The following STXBP5L variants were observed in gnomAD, a reference collection of about 807,000 sequenced individuals.
STXBP5L encodes the protein syntaxin binding protein 5L.
In STXBP5L, 65 loss-of-function variants were observed where a neutral mutation model predicts 144.5. The ratio of observed to expected loss-of-function variants is 0.45; its 90% CI spans 0.37 to 0.55. STXBP5L has a LOEUF of 0.55. STXBP5L is among the 20% of genes least tolerant of loss of function. The pLI, the probability that STXBP5L is intolerant of heterozygous loss-of-function variation, is 0.00. For synonymous variants in STXBP5L, 505 were observed against 469.6 expected, an observed-to-expected ratio of 1.08 and a Z score of -0.97; for missense variants, 1,298 against 1,405.5, an observed-to-expected ratio of 0.92 and a Z score of 1.22.
At chr3:121,191,880 G>T (rs2047701018) in intron 9 of STXBP5L, among the ~76,000 whole-genome samples, 1 of 151,600 alleles carries the variant, frequency 6.6e-6, no homozygotes, top group Admixed American at 6.6e-5. Flanking sequence ...CTCACTCATA[G>T]GTGGGAATTG....
chr3:121,339,569 C>G (rs2044632003), intron 20 of STXBP5L, among the ~76,000 whole-genome samples: 1 of 152,028 alleles, frequency 6.6e-6, no homozygotes, highest in African/African-American at 2.4e-5. Context: ...CCAGGCCAAT[C>G]AGTCAAGAGA....
At chr3:121,157,005 CAG>C (rs767046117) in intron 8 of STXBP5L, among the ~76,000 whole-genome samples, 54 of 151,986 alleles carry the variant, frequency 3.6e-4, no homozygotes, top group Non-Finnish European at 7.2e-4. Context: ...CTCAAAACTA[CAG>C]AGTTAACCTG....
At chr3:121,250,964 G>A (rs934634465) in intron 15 of STXBP5L, among the ~76,000 whole-genome samples, 3 of 152,082 alleles carry the variant, frequency 2.0e-5, no homozygotes, top group Non-Finnish European at 2.9e-5. Context: ...ATAATATAAG[G>A]TAAACAAGAC....
intron 9 of STXBP5L, among the ~76,000 whole-genome samples, chr3:121,193,718 C>T (rs1289857539): frequency 6.6e-6 from 1 of 152,018 alleles, no homozygotes; most frequent in African/African-American, 2.4e-5. Context: ...CAAACTATCA[C>T]AAGGACAGAA....
intron 5 of STXBP5L, among the ~76,000 whole-genome samples, chr3:121,053,400 A>T (rs928196657): frequency 2.6e-5 from 4 of 152,338 alleles, no homozygotes; most frequent in African/African-American, 9.6e-5. Flanking sequence ...AGAGATATAG[A>T]TCAATGGAAC....
chr3:121,250,843 A>G, intron 15 of STXBP5L, 80 bp downstream of exon 15: 3 of 1,264,536 alleles, frequency 2.4e-6, no homozygotes, highest in South Asian at 2.7e-5. Flanking sequence ...TAGTTTGGGC[A>G]ATTAAAATTT....
intron 22 of STXBP5L, among the ~76,000 whole-genome samples, chr3:121,390,694 G>A (rs886550304): frequency 6.6e-6 from 1 of 152,112 alleles, no homozygotes; most frequent in African/African-American, 2.4e-5. Flanking sequence ...TTTTCTTTAA[G>A]AATGTTGAAT....
intron 20 of STXBP5L, among the ~76,000 whole-genome samples, chr3:121,372,156 G>A (rs1012132177): frequency 2.0e-5 from 3 of 152,074 alleles, no homozygotes; most frequent in Non-Finnish European, 4.4e-5. Context: ...ACCAGCACAG[G>A]AGCTATGATA....
chr3:121,391,543 G>A (rs1251620143), intron 22 of STXBP5L, among the ~76,000 whole-genome samples: 2 of 152,152 alleles, frequency 1.3e-5, no homozygotes, highest in Non-Finnish European at 2.9e-5. Flanking sequence ...TTTGGTTTTT[G>A]ATGTTGGTGA....
chr3:121,084,135 G>T (rs2042380749), intron 5 of STXBP5L, among the ~76,000 whole-genome samples: 1 of 151,532 alleles, frequency 6.6e-6, no homozygotes, highest in Non-Finnish European at 1.5e-5. Flanking sequence ...GTTTATTTTG[G>T]TTTTCTTTTT....
intron 13 of STXBP5L, among the ~76,000 whole-genome samples, chr3:121,239,685 A>G (rs1276923939): frequency 8.0e-6 from 1 of 125,628 alleles, no homozygotes; most frequent in East Asian, 2.5e-4. Context: ...AGGAAGGGGA[A>G]CATCACACTC....
intron 3 of STXBP5L, among the ~76,000 whole-genome samples, chr3:120,966,833 G>C (rs1372977085): frequency 6.6e-6 from 1 of 152,206 alleles, no homozygotes; most frequent in Non-Finnish European, 1.5e-5. Flanking sequence ...TCTCTTCAGA[G>C]CTATCAGACA....
chr3:121,087,331 T>G (rs770231261), intron 5 of STXBP5L, among the ~76,000 whole-genome samples: 4 of 152,082 alleles, frequency 2.6e-5, no homozygotes, highest in Non-Finnish European at 4.4e-5. Flanking sequence ...TTCAGTTCTG[T>G]CATGTTTTAT....
intron 3 of STXBP5L, among the ~76,000 whole-genome samples, chr3:120,978,164 T>C (rs544596136): frequency 9.8e-5 from 15 of 152,330 alleles, no homozygotes; most frequent in African/African-American, 3.6e-4. Flanking sequence ...CCATTCTCCC[T>C]GTCACTTTCA....
chr3:121,173,646 G>A (rs756512434), intron 9 of STXBP5L, among the ~76,000 whole-genome samples: 14 of 151,960 alleles, frequency 9.2e-5, no homozygotes, highest in Non-Finnish European at 1.9e-4. Flanking sequence ...ATTATATACT[G>A]TACCCTTAGA....
At chr3:121,267,085 G>A (rs571200490) in intron 18 of STXBP5L, among the ~76,000 whole-genome samples, 1 of 152,254 alleles carries the variant, frequency 6.6e-6, no homozygotes, top group African/African-American at 2.4e-5. Context: ...GGAACCAAAA[G>A]AGAGCCCGTA....
At chr3:121,337,454 A>AG (rs1391698662) in intron 20 of STXBP5L, among the ~76,000 whole-genome samples, 7 of 151,420 alleles carry the variant, frequency 4.6e-5, no homozygotes, top group African/African-American at 1.7e-4. Context: ...AAAAAAAAAA[A>AG]AAAAAGTCAT....
At chr3:121,365,613 T>C (rs1424263247) in intron 20 of STXBP5L, among the ~76,000 whole-genome samples, 1 of 151,756 alleles carries the variant, frequency 6.6e-6, no homozygotes, top group Non-Finnish European at 1.5e-5. Flanking sequence ...GAATCAGCAA[T>C]AATGTCCCCA....
At chr3:120,966,921 C>T (rs987295765) in intron 3 of STXBP5L, among the ~76,000 whole-genome samples, 1 of 152,146 alleles carries the variant, frequency 6.6e-6, no homozygotes, top group Non-Finnish European at 1.5e-5. Context: ...ATTCTAGAGG[C>T]AGTAGAGCTT....
Sources: gnomAD v4.1 joint callset for allele counts (sites outside exome capture counted in the v4.1 genomes callset) on GRCh38, gnomAD v4.1.1 for gene constraint, MANE v1.5 for transcripts, NCBI Gene and HGNC (gene_info 2026-07-23, HGNC 2026-07-21) for gene names.